PCDHGA10: variants seen among roughly 807,000 people sequenced by gnomAD.
PCDHGA10 encodes protocadherin gamma-A10.
A neutral mutation model predicts 59.5 loss-of-function variants in PCDHGA10; 42 were observed. The ratio of observed to expected loss-of-function variants is 0.71; its 90% CI spans 0.55 to 0.91. PCDHGA10 has a LOEUF of 0.91. Among genes scored for constraint, PCDHGA10 ranks in the 40% least tolerant of loss-of-function variants. The probability of loss-of-function intolerance (pLI) is 0.00; values close to 1 mark genes in which losing one functional copy is unlikely to be tolerated. For synonymous variants in PCDHGA10, 511 were observed against 517.2 expected (o/e 0.99, Z 0.16); for missense variants, 1,111 against 1,198.2 (o/e 0.93, Z 1.07).
Position 141,415,455 on chromosome 5 carries a change from G to T in PCDHGA10, c.2280G>T (p.Glu760Asp). The change falls in exon 1 of 4, where the codon GAG (glutamate) becomes GAT (aspartate). Residue 760 changes from glutamate (E) to aspartate (D), a missense_variant. By Grantham distance (45) the Glu-to-Asp change is conservative. Transcript: ENST00000398610. ...CTTTCCTGCAGACCTATTCCCACGAGGTCTCTCTCACCGCGGACTCGCGAA... is the reference window on the plus strand; with the variant it reads ...CTTTCCTGCAGACCTATTCCCACGATGTCTCTCTCACCGCGGACTCGCGAA... ...VRAFLQTYSH[E>D]VSLTADSRKS... 6.2e-7 allele frequency: 1 copy of T among 1,614,186 alleles called. No individual in the cohort carries two copies. The highest frequency in any genetic ancestry group is 8.5e-7 in the Non-Finnish European group (1 of 1,180,042).
At position 141,418,056 on chromosome 5, in the gene PCDHGA10, T is replaced by G. The variant is rs199996434; in HGVS notation, c.2436+2445T>G. ...GTCCTGGATGTGTCGGCTCGCGAGC[T>G]GCGAGTGAGCGCGGAGAAGCTGCAC... is the stretch of plus-strand genomic sequence containing the variant. On this transcript the variant is annotated intron_variant, in intron 1 of 3. Coordinates refer to ENST00000398610, the MANE Select transcript of PCDHGA10 (RefSeq NM_018913.3). 5.0e-5 allele frequency: 80 copies of G among 1,613,976 alleles called. No individual in the cohort carries two copies. The African/African-American group carries it at 7.5e-4, about 15-fold the overall frequency.
intron 1 of PCDHGA10, among the ~76,000 whole-genome samples, chr5:141,434,579 A>T (rs931282309): frequency 6.6e-6 from 1 of 152,232 alleles, no homozygotes; most frequent in African/African-American, 2.4e-5. Context: ...CCTGCTGCAG[A>T]TAACTACCTC....
chr5:141,464,572 A>G (rs912710973), intron 1 of PCDHGA10, among the ~76,000 whole-genome samples: 5 of 152,148 alleles, frequency 3.3e-5, no homozygotes, highest in African/African-American at 1.2e-4. Flanking sequence ...CTACAAATAG[A>G]TGAGAATGTC....
In PCDHGA10 at chr5:141,486,585, GGGA is replaced by G; in HGVS notation, c.2437-8221_2437-8219del. The G allele has an allele frequency of 6.2e-7, 1 of 1,613,708 alleles. No individual in the cohort carries two copies. Among genetic ancestry groups the G allele is most frequent in the Non-Finnish European group, 8.5e-7 (1 of 1,180,024 alleles). On this transcript the variant is annotated intron_variant, in intron 1 of 3. Transcript: ENST00000398610. This position sits in a 1 kb window ranked among gnomAD's most constrained non-coding sequence, Gnocchi z 5.0. ...TTTGTTCCTGAGAACAATCGCCCAG[GGGA>G]CCTGCTTTGCTCCCTTGCAGCCTCT...
intron 1 of PCDHGA10, chr5:141,416,166 T>C (rs2096001393): frequency 6.5e-6 from 1 of 152,744 alleles, no homozygotes; most frequent in Admixed American, 6.5e-5. Flanking sequence ...CAGTTGAATA[T>C]ACTAAGTTTT....
In PCDHGA10 at chr5:141,413,704, A is replaced by C. The variant is rs749988351; in HGVS notation, c.529A>C (p.Ser177Arg). ...GAACTCCCTGCAGAGCTATCAGCTC[A>C]GCCCCAATAAGCACTTCTCCCTAAG... ...GVNSLQSYQL[S>R]PNKHFSLRVQ... The change falls in exon 1 of 4, where the codon AGC becomes CGC. Residue 177 changes from serine to arginine, a missense_variant. Transcript: ENST00000398610. The C allele has an allele frequency of 6.2e-7, 1 of 1,613,616 alleles. No homozygotes were observed. Among genetic ancestry groups the C allele is most frequent in the South Asian group, 1.1e-5 (1 of 91,078 alleles).
intron 1 of PCDHGA10, among the ~76,000 whole-genome samples, chr5:141,468,788 C>T (rs2099179417): frequency 6.6e-6 from 1 of 151,926 alleles, no homozygotes; most frequent in Admixed American, 6.6e-5. Context: ...ATGGCGTGAA[C>T]CCGGGAGGCG....
chr5:141,445,584 G>A lies in PCDHGA10; in HGVS notation c.2436+29973G>A, dbSNP rs540956709. ...AGAAAGCTTATAGTAGGGAAGCTTC[G>A]CCTAATCTGAAGGTCAAGGAAGGCT... On this transcript the variant is annotated intron_variant, in intron 1 of 3. Transcript: ENST00000398610. Among the ~76,000 whole-genome samples, 116 of 152,286 alleles carry A rather than the reference G, an allele frequency of 7.6e-4. 2 individuals are homozygous for A. Among genetic ancestry groups the A allele is most frequent in the Non-Finnish European group, 2.4e-4 (16 of 68,024 alleles).
intron 1 of PCDHGA10, chr5:141,433,358 CCTATCTATCTATCTAT>C (rs3074541): frequency 2.0e-4 from 99 of 504,042 alleles, no homozygotes; most frequent in East Asian, 3.1e-4. Flanking sequence ...CTACTGTCTG[CCTATCTATCTATCTAT>C]CTATCTATCT....
intron 1 of PCDHGA10, among the ~76,000 whole-genome samples, chr5:141,460,758 C>T (rs1292050905): frequency 6.6e-6 from 1 of 150,582 alleles, no homozygotes; most frequent in African/African-American, 2.4e-5. Context: ...TGTACATATA[C>T]ATATTGCATA....
intron 1 of PCDHGA10, among the ~76,000 whole-genome samples, chr5:141,467,297 CT>C (rs1229166213): frequency 2.0e-5 from 3 of 152,182 alleles, no homozygotes; most frequent in African/African-American, 7.2e-5. Context: ...AAGTGATCCA[CT>C]CACCTCGGCC....
At chr5:141,465,768 C>T (rs1414064889) in intron 1 of PCDHGA10, among the ~76,000 whole-genome samples, 1 of 151,916 alleles carries the variant, frequency 6.6e-6, no homozygotes, top group Non-Finnish European at 1.5e-5. Flanking sequence ...CATGTTTCAT[C>T]TCTTGTTACA....
At chr5:141,419,327 TC>T (rs774592605) in intron 1 of PCDHGA10, 1 of 1,613,856 alleles carries the variant, frequency 6.2e-7, no homozygotes, top group Non-Finnish European at 8.5e-7. Flanking sequence ...TGTCTCCTAC[TC>T]TCTCATTGCC....
chr5:141,482,144 G>A (rs564178008), intron 1 of PCDHGA10, among the ~76,000 whole-genome samples: 2 of 151,756 alleles, frequency 1.3e-5, no homozygotes, highest in African/African-American at 2.4e-5. Flanking sequence ...GGCATAAAAA[G>A]GTCAAGTCAA....
At chr5:141,435,376 A>G (rs1358757887) in intron 1 of PCDHGA10, among the ~76,000 whole-genome samples, 1 of 152,200 alleles carries the variant, frequency 6.6e-6, no homozygotes, top group Non-Finnish European at 1.5e-5. Flanking sequence ...TAAATATACA[A>G]TATACCGTAT....
At chr5:141,478,090 C>T in intron 1 of PCDHGA10, 2 of 1,614,108 alleles carry the variant, frequency 1.2e-6, no homozygotes, top group Non-Finnish European at 1.7e-6. Flanking sequence ...CGCTCTCCAC[C>T]ACTGCTACCC....
chr5:141,441,370 C>A (rs1378574921), intron 1 of PCDHGA10: 1 of 152,672 alleles, frequency 6.5e-6, no homozygotes, highest in African/African-American at 2.4e-5. Flanking sequence ...GGGCCGTGGA[C>A]CAGGAACAGA....
intron 1 of PCDHGA10, chr5:141,419,426 G>C: frequency 6.2e-7 from 1 of 1,613,312 alleles, no homozygotes; most frequent in Non-Finnish European, 8.5e-7. Flanking sequence ...CTTCGACCAC[G>C]AGCAGCTGCG....
chr5:141,443,708 T>G (rs2098400247), intron 1 of PCDHGA10, among the ~76,000 whole-genome samples: 1 of 152,192 alleles, frequency 6.6e-6, no homozygotes, highest in Non-Finnish European at 1.5e-5. Context: ...GAATAACATT[T>G]GCATATAAAA....
Sources: gnomAD v4.1 joint callset for allele counts (sites outside exome capture counted in the v4.1 genomes callset) on GRCh38, gnomAD v4.1.1 for gene constraint, Gnocchi (gnomAD v3.1) non-coding constraint, MANE v1.5 for transcripts, NCBI Gene and HGNC (gene_info 2026-07-23, HGNC 2026-07-21) for gene names.